The following IFT43 variants were observed in gnomAD, a reference collection of about 807,000 sequenced individuals.
IFT43 encodes the protein intraflagellar transport protein 43 homolog.
A neutral mutation model predicts 32.3 loss-of-function variants in IFT43; 33 were observed. The observed-to-expected ratio is 1.02, with a 90% CI of 0.77 to 1.37. The LOEUF is 1.37. Ranked by LOEUF, IFT43 falls within the 40% of genes most tolerant of loss-of-function variation. The pLI is 0.00. For missense variants in IFT43, 274 were observed against 265.9 expected, an observed-to-expected ratio of 1.03 and a Z score of -0.21; for synonymous variants, 93 against 98.2, an observed-to-expected ratio of 0.95 and a Z score of 0.31.
At chr14:76,075,384 A>G (rs371972484) in intron 5 of IFT43, among the ~76,000 whole-genome samples, 2,078 of 152,162 alleles carry the variant, frequency 0.014, 60 homozygotes, top group African/African-American at 0.048. Flanking sequence ...AGTGCAGGGG[A>G]CCGCTCGGGA....
intron 6 of IFT43, 73 bp from the exon 7 acceptor site, chr14:76,082,544 G>T: frequency 1.3e-6 from 2 of 1,564,278 alleles, no homozygotes; most frequent in Non-Finnish European, 1.8e-6. Flanking sequence ...AGGTTCTGGG[G>T]ACGGTGGCCC....
chr14:76,012,638 G>A (rs1271814759), intron 2 of IFT43, among the ~76,000 whole-genome samples: 1 of 152,254 alleles, frequency 6.6e-6, no homozygotes, highest in East Asian at 1.9e-4. Context: ...CCAGCAGGCT[G>A]TGCTCATTTC....
chr14:75,986,307 C>G, intron 1 of IFT43: 1 of 1,245,070 alleles, frequency 8.0e-7, no homozygotes, highest in Admixed American at 2.6e-5. Context: ...CCTTTCTTCC[C>G]GGTAATCCCC....
At chr14:76,071,151 G>A (rs936964162) in intron 5 of IFT43, among the ~76,000 whole-genome samples, 26 of 152,190 alleles carry the variant, frequency 1.7e-4, no homozygotes, top group Non-Finnish European at 3.7e-4. Flanking sequence ...GCCGGGTGAG[G>A]TGGATTGGTG....
At chr14:76,037,527 T>G (rs2036623506) in intron 3 of IFT43, among the ~76,000 whole-genome samples, 1 of 152,226 alleles carries the variant, frequency 6.6e-6, no homozygotes, top group Non-Finnish European at 1.5e-5. Flanking sequence ...TTGAAATACA[T>G]TTTATACTTG....
At chr14:76,000,265 T>C (rs1035832159) in intron 2 of IFT43, among the ~76,000 whole-genome samples, 3 of 134,900 alleles carry the variant, frequency 2.2e-5, no homozygotes, top group Admixed American at 7.0e-5. Flanking sequence ...CTGGCTTCTT[T>C]TTTTTTTTTT....
At position 76,083,353 on chromosome 14, in the gene IFT43, C is replaced by T. The variant is rs2037550413; in HGVS notation, c.507+64C>T. 16 of 1,609,862 alleles carry T rather than the reference C, an allele frequency of 9.9e-6. No individual in the cohort carries two copies. In the Admixed American group the frequency reaches 1.2e-4, roughly 12 times the overall value. On this transcript the variant is annotated intron_variant, in intron 8 of 8. Transcript: ENST00000314067. Reference sequence around the variant, plus strand: ...GGCATTCCCATAACCAGCCGACTCCCGGGCTGGCCTGTGCCTCCCTGAGGC... The same window carrying T: ...GGCATTCCCATAACCAGCCGACTCCTGGGCTGGCCTGTGCCTCCCTGAGGC...
At chr14:76,062,566 C>T (rs907844709) in intron 5 of IFT43, among the ~76,000 whole-genome samples, 1 of 152,158 alleles carries the variant, frequency 6.6e-6, no homozygotes, top group Non-Finnish European at 1.5e-5. Flanking sequence ...ATAACCCCCT[C>T]TTGAGTCAAG....
At chr14:76,031,689 A>G (rs2036512145) in intron 3 of IFT43, among the ~76,000 whole-genome samples, 1 of 152,246 alleles carries the variant, frequency 6.6e-6, no homozygotes, top group Admixed American at 6.5e-5. Flanking sequence ...CAGTGAAAAT[A>G]TTAAAGATTT....
At chr14:76,014,656 C>T (rs991245781) in intron 2 of IFT43, among the ~76,000 whole-genome samples, 3 of 152,136 alleles carry the variant, frequency 2.0e-5, no homozygotes, top group African/African-American at 7.2e-5. Context: ...CATAAACTTC[C>T]TTGACCTCTC....
chr14:75,987,046 A>G (rs919521550), intron 1 of IFT43, among the ~76,000 whole-genome samples: 3 of 152,226 alleles, frequency 2.0e-5, no homozygotes, highest in African/African-American at 4.8e-5. Context: ...ATACACAAAA[A>G]TCAGGCAGTA....
chr14:76,000,734 A>G (rs777075027), intron 2 of IFT43, among the ~76,000 whole-genome samples: 1 of 152,160 alleles, frequency 6.6e-6, no homozygotes, highest in Non-Finnish European at 1.5e-5. Context: ...GGCAGATAGG[A>G]TGTGGTAACA....
intron 2 of IFT43, among the ~76,000 whole-genome samples, chr14:76,004,178 C>T (rs573165095): frequency 7.7e-4 from 118 of 152,292 alleles, no homozygotes; most frequent in African/African-American, 2.7e-3. Context: ...CTGGGGGTGT[C>T]ATTTCTCTTT....
intron 2 of IFT43, among the ~76,000 whole-genome samples, chr14:75,997,936 G>A (rs760157351): frequency 3.9e-5 from 6 of 152,032 alleles, no homozygotes; most frequent in South Asian, 4.1e-4. Context: ...ATGGATACTC[G>A]TTGCACTTAA....
At chr14:76,063,535 A>G (rs1338303085) in intron 5 of IFT43, among the ~76,000 whole-genome samples, 4 of 152,232 alleles carry the variant, frequency 2.6e-5, no homozygotes, top group Non-Finnish European at 4.4e-5. Context: ...AATGACCTCT[A>G]GTGACCCAGG....
At chr14:76,023,362 G>A (rs1389325132) in intron 3 of IFT43, among the ~76,000 whole-genome samples, 2 of 152,200 alleles carry the variant, frequency 1.3e-5, no homozygotes, top group South Asian at 2.1e-4. Context: ...GGTGACAGCC[G>A]CAGGTACTGG....
At chr14:76,083,816 G>A (rs767531883), downstream of IFT43, 2 of 660,132 alleles carry the variant, frequency 3.0e-6, no homozygotes, top group South Asian at 1.5e-5. Context: ...TAAACCAGCT[G>A]ATAGGAACTC....
At chr14:76,067,451 T>A (rs950420612) in intron 5 of IFT43, among the ~76,000 whole-genome samples, 8 of 152,000 alleles carry the variant, frequency 5.3e-5, no homozygotes, top group Non-Finnish European at 2.9e-5. Flanking sequence ...ACGCCTGTAA[T>A]CCAAGCTACT....
At chr14:76,059,152 C>A in intron 4 of IFT43, 175 bp from the exon 5 acceptor site, 1 of 1,527,122 alleles carries the variant, frequency 6.5e-7, no homozygotes. Flanking sequence ...ACAGCCTGTG[C>A]AACCACACAC....
Sources: gnomAD v4.1 joint callset for allele counts (sites outside exome capture counted in the v4.1 genomes callset) on GRCh38, gnomAD v4.1.1 for gene constraint, MANE v1.5 for transcripts, NCBI Gene and HGNC (gene_info 2026-07-23, HGNC 2026-07-21) for gene names.